Variants in PLCD3 observed in about 807,000 individuals in gnomAD.
PLCD3 encodes phospholipase C delta 3.
In PLCD3, 62 loss-of-function variants were observed where a neutral mutation model predicts 82.8. That is an observed-to-expected ratio of 0.75 (90% CI 0.61 to 0.93). The LOEUF (loss-of-function observed/expected upper bound fraction) is 0.93. Ranked by LOEUF, PLCD3 falls within the 40% of genes least tolerant of loss-of-function variation. PLCD3 has a pLI of 0.00. For synonymous variants in PLCD3, 478 were observed against 471.8 expected, an observed-to-expected ratio of 1.01 and a Z score of -0.17; for missense variants, 1,023 against 1,103.4, an observed-to-expected ratio of 0.93 and a Z score of 1.03.
intron 4 of PLCD3, 195 bp from the exon 5 acceptor site, chr17:45,119,238 T>A: frequency 1.7e-6 from 1 of 583,342 alleles, no homozygotes; most frequent in Non-Finnish European, 3.0e-6. Context: ...GTTTTTTAGG[T>A]TTGTTTGTTT....
rs144758027 is a variant in PLCD3, at chr17:45,120,600, G to A, written c.555-146C>T. 1,870 of 1,060,822 alleles carry A rather than the reference G, an allele frequency of 1.8e-3. 23 individuals are homozygous for A. The African/African-American group carries it at 0.026, about 15-fold the overall frequency. 65.7% of individuals were successfully genotyped at this position (1,060,822 alleles called of 1,614,324 possible). A position where few individuals can be genotyped will look rare whatever the true frequency, so the allele number is the denominator to read the frequency against. On this transcript the variant is annotated intron_variant, in intron 3 of 14. Coordinates refer to ENST00000619929, the MANE Select transcript of PLCD3 (RefSeq NM_133373.5). ...CTTGGCCTGTGCACTCCCCGAGCAC[G>A]GTAGCAGTGTCTCCTCCGCAGGACT...
intron 1 of PLCD3, among the ~76,000 whole-genome samples, chr17:45,131,891 C>A (rs896602923): frequency 5.3e-5 from 8 of 152,150 alleles, no homozygotes; most frequent in African/African-American, 1.7e-4. Context: ...CCCGAGACAC[C>A]CTGGCAGAAC....
rs1485079463 is a variant in PLCD3, at chr17:45,117,965, G to C, written c.1260+29C>G. On this transcript the variant is annotated intron_variant, in intron 7 of 14. Transcript: ENST00000619929. ...ACGGAGGTCATTGGGAAGGCTGTGG[G>C]GCTGGGGCTGGGCATCCCAGGGGCT... The C allele has an allele frequency of 3.1e-6, 5 of 1,610,872 alleles. No individual in the cohort carries two copies. In the South Asian group the frequency reaches 5.5e-5, roughly 18 times the overall value.
chr17:45,125,092 C>T (rs1170616401), intron 1 of PLCD3, among the ~76,000 whole-genome samples: 3 of 149,430 alleles, frequency 2.0e-5, no homozygotes, highest in East Asian at 2.0e-4. Context: ...TTTGGAAGGC[C>T]GAAGCAGGCA....
At chr17:45,119,946 C>G (rs1295804612) in intron 4 of PLCD3, among the ~76,000 whole-genome samples, 2 of 152,212 alleles carry the variant, frequency 1.3e-5, no homozygotes, top group African/African-American at 2.4e-5. Flanking sequence ...AGTGGAGGGT[C>G]TGCGTGGAGA....
intron 1 of PLCD3, among the ~76,000 whole-genome samples, chr17:45,128,516 C>T (rs538920096): frequency 6.6e-6 from 1 of 152,352 alleles, no homozygotes; most frequent in South Asian, 2.1e-4. Context: ...CACAGCAGTC[C>T]CACTCACCCT....
intron 1 of PLCD3, among the ~76,000 whole-genome samples, chr17:45,122,219 C>G (rs757087946): frequency 5.3e-5 from 8 of 152,168 alleles, no homozygotes; most frequent in Non-Finnish European, 8.8e-5. Flanking sequence ...CCCTGCCCAG[C>G]TGATCTCCAG....
chr17:45,118,809 C>A lies in PLCD3; in HGVS notation c.913+6G>T. On this transcript the variant is annotated splice_donor_region_variant and intron_variant, in intron 5 of 14. Coordinates refer to ENST00000619929, the MANE Select transcript of PLCD3 (RefSeq NM_133373.5). The surrounding 1 kb of genome is among the most constrained non-coding windows in gnomAD (Gnocchi z 4.1). ...TGCCACGACCTGGCCGTGCCACCCC[C>A]CCCACCTGTCTCGTTGAGCTCATAG... 6.3e-7 allele frequency: 1 copy of A among 1,597,976 alleles called. No individual in the cohort carries two copies. The highest frequency in any genetic ancestry group is 8.5e-7 in the Non-Finnish European group (1 of 1,169,922).
At position 45,118,610 on chromosome 17, in the gene PLCD3, TCCA is replaced by T; in HGVS notation, c.914-121_914-119del. ...TGACTAGACAATCTACTGACTAGAC[TCCA>T]TGTAAGTCATGCCACTTAACCTTCG... On this transcript the variant is annotated intron_variant, in intron 5 of 14. Coordinates refer to ENST00000619929, the MANE Select transcript of PLCD3 (RefSeq NM_133373.5). The surrounding 1 kb of genome is among the most constrained non-coding windows in gnomAD (Gnocchi z 4.1). 1 of 1,240,142 alleles carries T rather than the reference TCCA, an allele frequency of 8.1e-7. No individual in the cohort carries two copies. Among genetic ancestry groups the T allele is most frequent in the Non-Finnish European group, 1.1e-6 (1 of 885,054 alleles). The allele number at this position is 1,240,142 out of a possible 1,614,324, so 76.8% of individuals were successfully genotyped here.
Position 45,115,260 on chromosome 17 carries a change from C to T in PLCD3, c.1561-16G>A, listed in dbSNP as rs1359846700. 2 of 1,541,622 alleles carry T rather than the reference C, an allele frequency of 1.3e-6. No homozygotes were observed. Among genetic ancestry groups the T allele is most frequent in the Non-Finnish European group, 1.8e-6 (2 of 1,139,482 alleles). On this transcript the variant is annotated splice_polypyrimidine_tract_variant and intron_variant, in intron 9 of 14. Coordinates refer to ENST00000619929, the MANE Select transcript of PLCD3 (RefSeq NM_133373.5). ...TCTGCTTGGCCTAGGAGACCAGGCT[C>T]AGCGGGGTTCAGCTGGCCCCCGCTT... is the stretch of plus-strand genomic sequence containing the variant.
intron 12 of PLCD3, 39 bp from the exon 13 acceptor site, chr17:45,113,296 C>T: frequency 1.3e-6 from 2 of 1,568,628 alleles, no homozygotes; most frequent in Non-Finnish European, 1.7e-6. Flanking sequence ...CCCACGCCCA[C>T]CTTGGCCATC....
Position 45,118,848 on chromosome 17 carries a change from G to A in PLCD3, c.880C>T (p.Gln294Ter). 1 of 1,611,246 alleles carries A rather than the reference G, an allele frequency of 6.2e-7. No homozygotes were observed. Reference sequence around the variant, plus strand: ...TTGAGCTCATAGGTCTGAATGAGCTGCTGGGCGCGGGCCAGTGTGGCGCCC... The same window carrying A: ...TTGAGCTCATAGGTCTGAATGAGCTACTGGGCGCGGGCCAGTGTGGCGCCC... Reference protein sequence around the residue: ...EEGATLARAQQLIQTYELNET... With the variant: ...EEGATLARAQ The change falls in exon 5 of 15, where the codon CAG becomes TAG. Residue 294 changes from glutamine (Q) to a stop codon, truncating the protein, a stop_gained. Transcript: ENST00000619929. LOFTEE classifies it high-confidence loss of function. The surrounding 1 kb of genome is among the most constrained non-coding windows in gnomAD (Gnocchi z 4.1).
intron 1 of PLCD3, among the ~76,000 whole-genome samples, chr17:45,121,976 T>C (rs1262808448): frequency 7.8e-6 from 1 of 127,590 alleles, no homozygotes; most frequent in African/African-American, 2.9e-5. Context: ...AAAAAAAAAT[T>C]GCCTTTTCTG....
intron 1 of PLCD3, among the ~76,000 whole-genome samples, chr17:45,121,726 C>T (rs908267273): frequency 2.0e-5 from 3 of 152,174 alleles, no homozygotes; most frequent in African/African-American, 7.2e-5. Context: ...CGCGGTGGCT[C>T]ACGCCTATAA....
chr17:45,132,504 C>A lies in PLCD3; in HGVS notation c.-94G>T. On this transcript the variant is annotated 5_prime_UTR_variant, in exon 1 of 15. Transcript: ENST00000619929. This position sits in a 1 kb window ranked among gnomAD's most constrained non-coding sequence, Gnocchi z 4.6. ...GGCCCGGCCCCGGCTCTGAGCGAGG[C>A]GGCGAGCGAAGAAACTTAGCGGCGC... 1.4e-6 allele frequency: 1 copy of A among 704,996 alleles called. No individual in the cohort carries two copies. The highest frequency in any genetic ancestry group is 1.8e-6 in the Non-Finnish European group (1 of 564,222). 43.7% of individuals were successfully genotyped at this position (704,996 alleles called of 1,614,324 possible).
Position 45,112,880 on chromosome 17 carries a change from A to T in PLCD3, c.2264T>A (p.Leu755His). Residue 755 changes from leucine to histidine, a missense_variant, in exon 14 of 15, where the codon CTT (leucine) becomes CAT (histidine). Leu to His is a moderately conservative substitution (Grantham distance 99). Transcript: ENST00000619929. ...CCACCAACCTTGCTTTAGGCTGCTA[A>T]GAGGCAGTGTAAACTGGCCCACAAA... ...NDFVGQFTLP[L>H]SSLKQGYRHI... The T allele has an allele frequency of 6.2e-7, 1 of 1,612,622 alleles. No individual in the cohort carries two copies.
chr17:45,121,477 C>G, intron 1 of PLCD3, 105 bp from the exon 2 acceptor site: 1 of 1,329,130 alleles, frequency 7.5e-7, no homozygotes, highest in Non-Finnish European at 9.9e-7. Context: ...TCTCCAAACC[C>G]AGGCCTTCAT....
chr17:45,113,918 A>G (rs1296931413), intron 11 of PLCD3, among the ~76,000 whole-genome samples: 1 of 152,138 alleles, frequency 6.6e-6, no homozygotes, highest in Non-Finnish European at 1.5e-5. Context: ...AGGAGACGAT[A>G]CAGCCCTCCT....
chr17:45,119,203 A>G, intron 4 of PLCD3, 160 bp from the exon 5 acceptor site: 1 of 627,022 alleles, frequency 1.6e-6, no homozygotes, highest in South Asian at 2.0e-5. Context: ...CAGCTGGTAA[A>G]TTACAGGGCA....
Sources: gnomAD v4.1 joint callset for allele counts (sites outside exome capture counted in the v4.1 genomes callset) on GRCh38, gnomAD v4.1.1 for gene constraint, Gnocchi (gnomAD v3.1) non-coding constraint, MANE v1.5 for transcripts, NCBI Gene and HGNC (gene_info 2026-07-23, HGNC 2026-07-21) for gene names.